The following CCDC3 variants were observed in gnomAD, a reference collection of about 807,000 sequenced individuals.
The protein encoded by CCDC3 is coiled-coil domain containing 3.
In CCDC3, 24 loss-of-function variants were observed where a neutral mutation model predicts 21.4. The observed-to-expected ratio is 1.12, with a 90% CI of 0.81 to 1.58. CCDC3 has a LOEUF of 1.58. CCDC3 is among the 40% of genes most tolerant of loss of function. The probability of loss-of-function intolerance (pLI) is 0.00; values close to 1 mark genes in which losing one functional copy is unlikely to be tolerated. For synonymous variants in CCDC3, 186 were observed against 166.0 expected (o/e 1.12, Z -0.93); for missense variants, 425 against 360.9 (o/e 1.18, Z -1.44).
chr10:13,057,313 A>T (rs637477), intron 4 of CCDC3, among the ~76,000 whole-genome samples: 53,844 of 151,726 alleles, frequency 0.35, 9,761 homozygotes, highest in African/African-American at 0.4. Context: ...TAAAAATTTT[A>T]AAATAATGAG....
At chr10:12,972,865 G>T (rs116799365) in intron 2 of CCDC3, among the ~76,000 whole-genome samples, 1 of 152,124 alleles carries the variant, frequency 6.6e-6, no homozygotes, top group East Asian at 1.9e-4. Flanking sequence ...AACCAGTTTG[G>T]TGTGGTTTCT....
At chr10:13,054,749 C>A (rs1453674498) in intron 4 of CCDC3, among the ~76,000 whole-genome samples, 1 of 152,124 alleles carries the variant, frequency 6.6e-6, no homozygotes, top group East Asian at 1.9e-4. Flanking sequence ...CTCATTGCAA[C>A]CTCTGCCTCC....
At chr10:13,076,267 A>G (rs561474441) in intron 3 of CCDC3, among the ~76,000 whole-genome samples, 4 of 152,230 alleles carry the variant, frequency 2.6e-5, no homozygotes, top group South Asian at 2.1e-4. Flanking sequence ...AGCCAACAGT[A>G]ATACATTTAG....
chr10:13,016,312 T>C (rs183810584), intron 5 of CCDC3, among the ~76,000 whole-genome samples: 1 of 150,026 alleles, frequency 6.7e-6, no homozygotes, highest in Admixed American at 6.7e-5. Context: ...TTTTTCCCCT[T>C]TGCTGACTTT....
At chr10:13,078,843 C>T (rs1472074373) in intron 3 of CCDC3, among the ~76,000 whole-genome samples, 1 of 146,972 alleles carries the variant, frequency 6.8e-6, no homozygotes, top group African/African-American at 2.5e-5. Flanking sequence ...GGGAACATCA[C>T]ACAACGGGGC....
intron 2 of CCDC3, chr10:13,098,707 CTGATTTTTTT>C (rs1203949048): frequency 1.3e-5 from 1 of 77,106 alleles, no homozygotes; most frequent in Non-Finnish European, 2.4e-5. Flanking sequence ...ATTTCCTGCA[CTGATTTTTTT>C]TTTTTTTTTT....
chr10:12,909,984 G>A (rs1448240194), intron 2 of CCDC3, among the ~76,000 whole-genome samples: 1 of 152,214 alleles, frequency 6.6e-6, no homozygotes, highest in Non-Finnish European at 1.5e-5. Flanking sequence ...AAGGGCTCCT[G>A]GCCATCCGCC....
At chr10:12,975,917 G>C (rs1835410719) in intron 2 of CCDC3, among the ~76,000 whole-genome samples, 1 of 152,184 alleles carries the variant, frequency 6.6e-6, no homozygotes, top group Non-Finnish European at 1.5e-5. Flanking sequence ...GCCCAGCCAA[G>C]ACCCTGGCTC....
At position 13,017,005 on chromosome 10, in the gene CCDC3, T is replaced by TGCTTAA. The variant is rs142370298; in HGVS notation, c.-1-18494_-1-18493insTTAAGC. 2.8e-3 allele frequency among the ~76,000 whole-genome samples: 431 copies of TGCTTAA among 152,168 alleles called. 5 individuals are homozygous for TGCTTAA. The highest frequency in any genetic ancestry group is 0.01 in the African/African-American group (416 of 41,530). On this transcript the variant is annotated intron_variant, in intron 5 of 6. Transcript: ENST00000378839. ...CATGATCTCTGCCAGTTTAAGCATC[T>TGCTTAA]GCATTTCCAAAAGGAATGAGCTAGG...
chr10:12,988,633 C>T (rs951052564), intron 2 of CCDC3, among the ~76,000 whole-genome samples: 4 of 152,038 alleles, frequency 2.6e-5, no homozygotes, highest in Non-Finnish European at 4.4e-5. Flanking sequence ...CATGAGCCAC[C>T]GCGCCCCACC....
chr10:12,907,774 CCT>C (rs1834197372), intron 2 of CCDC3, among the ~76,000 whole-genome samples: 3 of 152,290 alleles, frequency 2.0e-5, no homozygotes, highest in East Asian at 1.9e-4. Flanking sequence ...CTGCCCGCCC[CCT>C]GTTGACTAGC....
In CCDC3 at chr10:13,084,691, G is replaced by A. The variant is rs536725703; in HGVS notation, c.-502-10591C>T. On this transcript the variant is annotated intron_variant, in intron 3 of 6. Coordinates refer to the CCDC3 transcript ENST00000378839. Reference sequence around the variant, plus strand: ...AACCCTCTCTTGGGGTCTAGATCGGGACTCCTTTCCAGTAACATTGTGAGA... The same window carrying A: ...AACCCTCTCTTGGGGTCTAGATCGGAACTCCTTTCCAGTAACATTGTGAGA... Among the ~76,000 whole-genome samples, 29 of 152,278 alleles carry A rather than the reference G, an allele frequency of 1.9e-4. No individual in the cohort carries two copies. In the South Asian group the frequency reaches 5.8e-3, roughly 30 times the overall value.
At chr10:12,985,562 C>T (rs1254376101) in intron 2 of CCDC3, among the ~76,000 whole-genome samples, 4 of 151,298 alleles carry the variant, frequency 2.6e-5, no homozygotes, top group South Asian at 2.1e-4. Flanking sequence ...AAGCAATCAG[C>T]GGTGCATCTA....
chr10:13,095,865 A>G (rs641113), intron 3 of CCDC3, among the ~76,000 whole-genome samples: 120,725 of 152,126 alleles, frequency 0.79, 48,531 homozygotes, highest in Non-Finnish European at 0.87. Context: ...TTACAATTCA[A>G]ATTTAGTATA....
At chr10:13,099,594 T>G (rs1832691748) in exon 1 of CCDC3, 1 of 152,094 alleles carries the variant, frequency 6.6e-6, no homozygotes, top group African/African-American at 2.4e-5. Context: ...GCCGAGCCTA[T>G]TCGTCCGCAA....
intron 2 of CCDC3, among the ~76,000 whole-genome samples, chr10:12,987,949 G>A (rs886588379): frequency 6.6e-6 from 1 of 152,100 alleles, no homozygotes; most frequent in African/African-American, 2.4e-5. Context: ...TTCCCAACTG[G>A]TCTCCCTGCT....
In CCDC3 at chr10:13,021,147, T is replaced by C. The variant is rs78424094; in HGVS notation, c.-1-22635A>G. Among the ~76,000 whole-genome samples the C allele has an allele frequency of 1.0e-3, 153 of 152,400 alleles. 4 individuals carry two copies. The East Asian group carries it at 0.024, about 24-fold the overall frequency. On this transcript the variant is annotated intron_variant, in intron 5 of 6. Transcript: ENST00000378839. ...AGCAATGTTATATTATAGCTATAAA[T>C]GTTCTACTCGGCATTTGCAAAAATG...
At chr10:13,096,653 C>T (rs142553540) in intron 3 of CCDC3, among the ~76,000 whole-genome samples, 55 of 152,272 alleles carry the variant, frequency 3.6e-4, no homozygotes, top group African/African-American at 1.3e-3. Flanking sequence ...CACTGATACC[C>T]TCATTATCAA....
At chr10:12,992,477 A>T (rs1266837799) in intron 2 of CCDC3, among the ~76,000 whole-genome samples, 2 of 152,140 alleles carry the variant, frequency 1.3e-5, no homozygotes, top group Non-Finnish European at 2.9e-5. Context: ...CTCAGCCATA[A>T]AAAGGAATGA....
Sources: allele counts gnomAD v4.1 joint callset (sites outside exome capture counted in the v4.1 genomes callset), GRCh38; gene constraint gnomAD v4.1.1; transcripts MANE v1.5; gene names NCBI Gene and HGNC (gene_info 2026-07-23, HGNC 2026-07-21).